NUP155: variants seen among roughly 807,000 people sequenced by gnomAD.
The protein encoded by NUP155 is nucleoporin 155, also known as nuclear pore complex protein Nup155.
Under a neutral mutation model 180.4 loss-of-function variants are expected in NUP155, and 71 were observed. The ratio of observed to expected loss-of-function variants is 0.39; its 90% CI spans 0.33 to 0.48. The LOEUF (loss-of-function observed/expected upper bound fraction) is 0.48. Among genes scored for constraint, NUP155 ranks in the 20% least tolerant of loss-of-function variants. The pLI is 0.91. For missense variants in NUP155, 1,553 were observed against 1,648.9 expected, an observed-to-expected ratio of 0.94 and a Z score of 1.01; for synonymous variants, 582 against 559.5, an observed-to-expected ratio of 1.04 and a Z score of -0.57.
chr5:37,338,649 C>T (rs1446054502), intron 11 of NUP155, among the ~76,000 whole-genome samples: 1 of 152,094 alleles, frequency 6.6e-6, no homozygotes, highest in African/African-American at 2.4e-5. Context: ...TCGTGATCCG[C>T]CCAACTTGGC....
intron 21 of NUP155, among the ~76,000 whole-genome samples, 174 bp from the exon 22 acceptor site, chr5:37,314,502 T>C (rs1743753827): frequency 6.6e-6 from 1 of 152,226 alleles, no homozygotes; most frequent in Non-Finnish European, 1.5e-5. Context: ...TGTGTATATA[T>C]ATATGCTTCT....
intron 9 of NUP155, among the ~76,000 whole-genome samples, chr5:37,346,509 T>C (rs1230240609): frequency 6.6e-6 from 1 of 151,778 alleles, no homozygotes; most frequent in Non-Finnish European, 1.5e-5. Context: ...CCATCTCTAC[T>C]GAAAATACAA....
chr5:37,296,176 T>G (rs1742554777), intron 32 of NUP155, among the ~76,000 whole-genome samples: 1 of 152,026 alleles, frequency 6.6e-6, no homozygotes, highest in Non-Finnish European at 1.5e-5. Flanking sequence ...CTGGGAGGTG[T>G]GCCCAACAGC....
intron 10 of NUP155, 117 bp from the exon 11 acceptor site, chr5:37,341,359 C>T: frequency 1.1e-6 from 1 of 899,800 alleles, no homozygotes; most frequent in Non-Finnish European, 1.8e-6. Context: ...ACATAACTTT[C>T]CTGACTAATT....
At chr5:37,308,875 C>CAAAAAAAAAAAAAA (rs59572976) in intron 24 of NUP155, among the ~76,000 whole-genome samples, 1 of 68,862 alleles carries the variant, frequency 1.5e-5, no homozygotes, top group African/African-American at 6.6e-5. Flanking sequence ...GCGAGACTCT[C>CAAAAAAAAAAAAAA]AAAAAAAAAA....
At chr5:37,304,559 A>AT (rs1743046475) in intron 27 of NUP155, among the ~76,000 whole-genome samples, 180 bp downstream of exon 27, 2 of 152,160 alleles carry the variant, frequency 1.3e-5, no homozygotes, top group South Asian at 4.2e-4. Flanking sequence ...TAACAAGAAA[A>AT]TTGGAGCAGT....
intron 13 of NUP155, among the ~76,000 whole-genome samples, chr5:37,333,023 G>C (rs1042254226): frequency 2.0e-5 from 3 of 152,112 alleles, no homozygotes; most frequent in Non-Finnish European, 2.9e-5. Flanking sequence ...TTATAAGCTT[G>C]TGTGCCTGGG....
In NUP155 at chr5:37,290,004, T is replaced by C. The variant is rs1343814189; in HGVS notation, c.*1896A>G. On this transcript the variant is annotated 3_prime_UTR_variant, in exon 35 of 35. Transcript: ENST00000231498. Reference sequence around the variant, plus strand: ...TGGCATTCTATTAAATATTCTACATTAGAAGATTATAGGGAAAAGGGAGCT... The same window carrying C: ...TGGCATTCTATTAAATATTCTACATCAGAAGATTATAGGGAAAAGGGAGCT... The C allele has an allele frequency of 6.6e-6, 1 of 152,134 alleles. No homozygotes were observed. The highest frequency in any genetic ancestry group is 2.4e-5 in the African/African-American group (1 of 41,416). 9.4% of individuals were successfully genotyped at this position (152,134 alleles called of 1,614,324 possible). A position where few individuals can be genotyped will look rare whatever the true frequency, so the allele number is the denominator to read the frequency against.
intron 4 of NUP155, among the ~76,000 whole-genome samples, chr5:37,353,511 G>T (rs1227817838): frequency 1.3e-5 from 2 of 152,038 alleles, no homozygotes; most frequent in Admixed American, 1.3e-4. Flanking sequence ...GAACCCGGGA[G>T]GCAGGGGTTG....
At chr5:37,362,337 G>A (rs1249846581) in intron 3 of NUP155, among the ~76,000 whole-genome samples, 1 of 151,102 alleles carries the variant, frequency 6.6e-6, no homozygotes, top group Non-Finnish European at 1.5e-5. Flanking sequence ...TGCCCAGGCT[G>A]GAGTGCAATG....
At chr5:37,351,410 A>T in intron 5 of NUP155, 54 bp from the exon 6 acceptor site, 1 of 1,260,042 alleles carries the variant, frequency 7.9e-7, no homozygotes, top group Non-Finnish European at 1.2e-6. Context: ...CAGTTTTTAA[A>T]AATCTTTGCA....
At chr5:37,354,642 A>C (rs1464217687) in intron 4 of NUP155, among the ~76,000 whole-genome samples, 1 of 150,120 alleles carries the variant, frequency 6.7e-6, no homozygotes, top group Non-Finnish European at 1.5e-5. Context: ...TGTTTTTTGC[A>C]GACAGGGTAT....
intron 32 of NUP155, among the ~76,000 whole-genome samples, chr5:37,297,095 G>T (rs1561765512): frequency 6.6e-6 from 1 of 151,780 alleles, no homozygotes; most frequent in Non-Finnish European, 1.5e-5. Flanking sequence ...TCTATCAAAA[G>T]AAAAAAATAT....
In NUP155 at chr5:37,357,399, CAAAAAAAAAAAAA is replaced by C. The variant is rs397997409; in HGVS notation, c.463+669_463+681del. ...GTGATAGAGTATAAGACCTTAATCT[CAAAAAAAAAAAAA>C]AAAAAAAAAAAAAAGAGAAAGACAG... On this transcript the variant is annotated intron_variant, in intron 4 of 34. Transcript: ENST00000231498. Among the ~76,000 whole-genome samples the C allele has an allele frequency of 1.3e-4, 4 of 31,300 alleles. No homozygotes were observed. In the South Asian group the frequency reaches 6.6e-3, roughly 52 times the overall value. 20.5% of individuals were successfully genotyped at this position (31,300 alleles called of 152,430 possible).
chr5:37,355,995 C>T lies in NUP155; in HGVS notation c.463+2086G>A, dbSNP rs1026032320. Among the ~76,000 whole-genome samples, 17 of 151,720 alleles carry T rather than the reference C, an allele frequency of 1.1e-4. No homozygotes were observed. In the East Asian group the frequency reaches 1.6e-3, roughly 14 times the overall value. ...TGTAATCCCAAACACTTTGGGAGGC[C>T]GAGGTGGGCGGATCACCTGAGGTCG... On this transcript the variant is annotated intron_variant, in intron 4 of 34. Coordinates refer to ENST00000231498, the MANE Select transcript of NUP155 (RefSeq NM_153485.3).
intron 25 of NUP155, among the ~76,000 whole-genome samples, chr5:37,305,648 C>G (rs534797140): frequency 1.3e-5 from 2 of 152,258 alleles, no homozygotes; most frequent in East Asian, 3.9e-4. Context: ...TGCCACTGCA[C>G]TCCATCCTGG....
chr5:37,308,084 A>G (rs1743281760), intron 24 of NUP155, among the ~76,000 whole-genome samples: 2 of 152,196 alleles, frequency 1.3e-5, no homozygotes, highest in South Asian at 4.1e-4. Flanking sequence ...GCAAATAGTT[A>G]TGGCCTTTAC....
chr5:37,329,082 A>G lies in NUP155; in HGVS notation c.1813+108T>C, dbSNP rs541810643. On this transcript the variant is annotated intron_variant, in intron 16 of 34. Coordinates refer to ENST00000231498, the MANE Select transcript of NUP155 (RefSeq NM_153485.3). Reference sequence around the variant, plus strand: ...CTATAGATGTATTCATCAATTATACAATAGCAGTAAATAAAACATAATGAA... The same window carrying G: ...CTATAGATGTATTCATCAATTATACGATAGCAGTAAATAAAACATAATGAA... The G allele has an allele frequency of 1.8e-5, 14 of 762,964 alleles. 1 individual carries two copies. Among genetic ancestry groups the G allele is most frequent in the South Asian group, 1.7e-4 (11 of 66,336 alleles). 47.3% of individuals were successfully genotyped at this position (762,964 alleles called of 1,614,324 possible). A position where few individuals can be genotyped will look rare whatever the true frequency, so the allele number is the denominator to read the frequency against.
At position 37,357,888 on chromosome 5, in the gene NUP155, GA is replaced by G. The variant is rs1581209558; in HGVS notation, c.463+192del. ...CACGCCCGTAATCCCAGCTATTCGG[GA>G]GGCTGAGGCAGGAGAACTGCTTGAA... On this transcript the variant is annotated intron_variant, in intron 4 of 34. Transcript: ENST00000231498. Among the ~76,000 whole-genome samples, 7 of 152,274 alleles carry G rather than the reference GA, an allele frequency of 4.6e-5. No individual in the cohort carries two copies. The East Asian group carries it at 1.4e-3, about 29-fold the overall frequency.
Sources: gnomAD v4.1 joint callset for allele counts (sites outside exome capture counted in the v4.1 genomes callset) on GRCh38, gnomAD v4.1.1 for gene constraint, MANE v1.5 for transcripts, NCBI Gene and HGNC (gene_info 2026-07-23, HGNC 2026-07-21) for gene names.